MAP3K12: variants seen among roughly 807,000 people sequenced by gnomAD.
MAP3K12 encodes the protein mitogen-activated protein kinase kinase kinase 12.
MAP3K12 carries 14 observed loss-of-function variants against 87.5 expected under a neutral mutation model. The ratio of observed to expected loss-of-function variants is 0.16; its 90% CI spans 0.11 to 0.25. The LOEUF (loss-of-function observed/expected upper bound fraction) is 0.25. Among genes scored for constraint, MAP3K12 ranks in the 10% least tolerant of loss-of-function variants. The pLI, the probability that MAP3K12 is intolerant of heterozygous loss-of-function variation, is 1.00. For synonymous variants in MAP3K12, 469 were observed against 452.5 expected, an observed-to-expected ratio of 1.04 and a Z score of -0.46; for missense variants, 802 against 1,140.4, an observed-to-expected ratio of 0.70 and a Z score of 4.27.
intron 1 of MAP3K12, among the ~76,000 whole-genome samples, chr12:53,489,135 C>T (rs746545574): frequency 2.2e-4 from 33 of 151,500 alleles, no homozygotes; most frequent in Middle Eastern, 3.4e-3. Flanking sequence ...TGGCAAAACC[C>T]TGTCTCTACC....
Position 53,495,990 on chromosome 12 carries a change from A to G in MAP3K12, c.-38+3437T>C, listed in dbSNP as rs1361588795. 4.6e-5 allele frequency among the ~76,000 whole-genome samples: 7 copies of G among 152,252 alleles called. No individual in the cohort carries two copies. In the South Asian group the frequency reaches 1.5e-3, roughly 32 times the overall value. ...TTGGAGAGATCAGAGCTAGAATCCC[A>G]GTTTTGCCACCACTTAGTTTAAGGA... On this transcript the variant is annotated intron_variant, in intron 1 of 13. Coordinates refer to ENST00000547488, the MANE Select transcript of MAP3K12 (RefSeq NM_001193511.2).
In MAP3K12 at chr12:53,485,204, C is replaced by T; in HGVS notation, c.991G>A (p.Val331Met). The T allele has an allele frequency of 6.2e-7, 1 of 1,611,598 alleles. No individual in the cohort carries two copies. Among genetic ancestry groups the T allele is most frequent in the Non-Finnish European group, 8.5e-7 (1 of 1,178,490 alleles). Residue 331 changes from valine (V) to methionine (M), a missense_variant, in exon 6 of 14, where the codon GTG becomes ATG. By Grantham distance (21) the Val-to-Met change is conservative. Transcript: ENST00000547488. ...SEKVDIWSFG[V>M]VLWELLTGEI... The stretch of plus-strand genomic sequence containing the variant: ...CCAGTCAGCAGTTCCCATAGCACCA[C>T]GCCAAAGGACCTAGGGATGAGGGGA...
chr12:53,479,886 C>T lies in MAP3K12; in HGVS notation c.*1296G>A, dbSNP rs1411562252. 6.5e-6 allele frequency: 1 copy of T among 153,088 alleles called. No homozygotes were observed. Among genetic ancestry groups the T allele is most frequent in the African/African-American group, 2.4e-5 (1 of 41,388 alleles). 9.5% of individuals were successfully genotyped at this position (153,088 alleles called of 1,614,324 possible). The stretch of plus-strand genomic sequence containing the variant: ...TGCTGTTATTTTTGTACCTTTTATC[C>T]CTCAAAGGACCCTTCTTGGGTTTTG... On this transcript the variant is annotated 3_prime_UTR_variant, in exon 14 of 14. Transcript: ENST00000547488.
At position 53,486,783 on chromosome 12, in the gene MAP3K12, G is replaced by A. The variant is rs963860236; in HGVS notation, c.446-161C>T. The A allele has an allele frequency of 3.4e-6, 5 of 1,470,478 alleles. No individual in the cohort carries two copies. The African/African-American group carries it at 5.7e-5, about 17-fold the overall frequency. The allele number at this position is 1,470,478 out of a possible 1,614,324, so 91.1% of individuals were successfully genotyped here. On this transcript the variant is annotated intron_variant, in intron 2 of 13. Transcript: ENST00000547488. The surrounding 1 kb of genome is among the most constrained non-coding windows in gnomAD (Gnocchi z 4.9). The stretch of plus-strand genomic sequence containing the variant: ...CGAGGGGACAGGGAAGGAATGAATG[G>A]GTGGCCTTAAAAGAAGCTGGGAAGT...
intron 1 of MAP3K12, among the ~76,000 whole-genome samples, chr12:53,491,812 G>T (rs1049324324): frequency 1.3e-4 from 19 of 148,588 alleles, no homozygotes; most frequent in Non-Finnish European, 2.4e-4. Flanking sequence ...AGTGGCTCAC[G>T]CCTGTAATCC....
chr12:53,491,179 T>C (rs1432965832), intron 1 of MAP3K12, among the ~76,000 whole-genome samples: 2 of 148,062 alleles, frequency 1.4e-5, no homozygotes, highest in Non-Finnish European at 3.0e-5. Flanking sequence ...TCCCAGCTAC[T>C]CGGGAGGCTG....
intron 7 of MAP3K12, 80 bp from the exon 8 acceptor site, chr12:53,484,100 C>CA: frequency 6.9e-7 from 1 of 1,454,128 alleles, no homozygotes; most frequent in Non-Finnish European, 9.6e-7. Context: ...ACACCACTGC[C>CA]AATGTGTGTG....
At chr12:53,497,647 T>C (rs1445259415) in intron 1 of MAP3K12, among the ~76,000 whole-genome samples, 2 of 152,116 alleles carry the variant, frequency 1.3e-5, no homozygotes, top group African/African-American at 4.8e-5. Flanking sequence ...GTCAACAGTG[T>C]GAGTGAATGC....
intron 6 of MAP3K12, 197 bp downstream of exon 6, chr12:53,484,859 T>C: frequency 6.2e-6 from 4 of 643,296 alleles, no homozygotes; most frequent in South Asian, 3.9e-5. Flanking sequence ...GTGTATTTTA[T>C]AGATGAGGAA....
chr12:53,501,338 A>G, upstream of MAP3K12: 1 of 1,532,570 alleles, frequency 6.5e-7, no homozygotes, highest in Non-Finnish European at 8.8e-7. Context: ...CCCCGGCCCT[A>G]GCTCGTCGGC....
intron 1 of MAP3K12, among the ~76,000 whole-genome samples, chr12:53,490,434 G>A (rs1201825855): frequency 6.6e-6 from 1 of 151,830 alleles, no homozygotes; most frequent in Non-Finnish European, 1.5e-5. Flanking sequence ...ATGGTGAAAA[G>A]CCATCTCTAC....
At chr12:53,482,520 GA>G (rs1365219985) in intron 11 of MAP3K12, 44 bp downstream of exon 11, 10 of 1,593,186 alleles carry the variant, frequency 6.3e-6, no homozygotes, top group Non-Finnish European at 7.7e-6. Flanking sequence ...CCCCAGGGAG[GA>G]TAAGGAAAAA....
chr12:53,481,412 C>A (rs1040699999), intron 13 of MAP3K12, 132 bp from the exon 14 acceptor site: 12 of 376,468 alleles, frequency 3.2e-5, no homozygotes, highest in Non-Finnish European at 5.2e-5. Flanking sequence ...TGCAGTAGCA[C>A]AATCTCGGCT....
At chr12:53,492,829 ACT>A (rs1288081347) in intron 1 of MAP3K12, among the ~76,000 whole-genome samples, 2 of 150,886 alleles carry the variant, frequency 1.3e-5, no homozygotes, top group Non-Finnish European at 3.0e-5. Flanking sequence ...AAGGCCCAAG[ACT>A]CTGGGACGCT....
At chr12:53,501,490 G>C, upstream of MAP3K12, 2 of 1,556,568 alleles carry the variant, frequency 1.3e-6, no homozygotes, top group South Asian at 2.4e-5. Flanking sequence ...ATTCCTTCAG[G>C]GCGAAAAGCG....
intron 1 of MAP3K12, chr12:53,493,628 G>T (rs1943476212): frequency 6.6e-6 from 1 of 152,168 alleles, no homozygotes; most frequent in African/African-American, 2.4e-5. Flanking sequence ...GAGATGAAAG[G>T]GGAGTGAGAA....
chr12:53,494,883 C>T (rs1044671602), intron 1 of MAP3K12, among the ~76,000 whole-genome samples: 2 of 152,032 alleles, frequency 1.3e-5, no homozygotes, highest in Non-Finnish European at 2.9e-5. Flanking sequence ...GGCTGCAGCT[C>T]GTATTGTTTT....
intron 13 of MAP3K12, chr12:53,481,682 G>A (rs561735118): frequency 6.6e-6 from 3 of 453,738 alleles, no homozygotes; most frequent in Non-Finnish European, 1.2e-5. Flanking sequence ...GATTTCAGTT[G>A]CTCAGGCCAT....
chr12:53,483,215 T>C (rs1943127348), intron 10 of MAP3K12, 26 bp from the exon 11 acceptor site: 1 of 1,533,084 alleles, frequency 6.5e-7, no homozygotes. Context: ...AAGTAAAAGG[T>C]TAAGACTGCC....
Sources: allele counts gnomAD v4.1 joint callset (sites outside exome capture counted in the v4.1 genomes callset), GRCh38; gene constraint gnomAD v4.1.1; non-coding constraint Gnocchi (gnomAD v3.1); transcripts MANE v1.5; gene names NCBI Gene and HGNC (gene_info 2026-07-23, HGNC 2026-07-21).